The following RFWD3 variants were observed in gnomAD, a reference collection of about 807,000 sequenced individuals.
The protein encoded by RFWD3 is E3 ubiquitin-protein ligase RFWD3.
A neutral mutation model predicts 87.7 loss-of-function variants in RFWD3; 65 were observed. The observed-to-expected ratio is 0.74, with a 90% CI of 0.61 to 0.91. The LOEUF (loss-of-function observed/expected upper bound fraction) is 0.91, where lower values mean the gene tolerates loss of function less well. RFWD3 is among the 40% of genes least tolerant of loss of function. The pLI, the probability that RFWD3 is intolerant of heterozygous loss-of-function variation, is 0.00. For missense variants in RFWD3, 1,078 were observed against 938.5 expected, an observed-to-expected ratio of 1.15 and a Z score of -1.94; for synonymous variants, 433 against 352.8, an observed-to-expected ratio of 1.23 and a Z score of -2.55.
chr16:74,661,597 T>C (rs1351593180), intron 1 of RFWD3, 146 bp from the exon 2 acceptor site: 16 of 781,266 alleles, frequency 2.0e-5, no homozygotes, highest in Non-Finnish European at 3.2e-5. Context: ...TTTTAACTAC[T>C]TAAGTCAGAA....
At position 74,649,338 on chromosome 16, in the gene RFWD3, T is replaced by C. The variant is rs906852759; in HGVS notation, c.722-136A>G. On this transcript the variant is annotated intron_variant, in intron 3 of 12. Coordinates refer to ENST00000361070, the MANE Select transcript of RFWD3 (RefSeq NM_018124.4). Reference sequence around the variant, plus strand: ...ACTGACAGTGTTCCTGCAAAAAGGATGACAACTTCCCCAGGTACCATCAGT... The same window carrying C: ...ACTGACAGTGTTCCTGCAAAAAGGACGACAACTTCCCCAGGTACCATCAGT... 7.0e-6 allele frequency: 4 copies of C among 574,562 alleles called. No individual in the cohort carries two copies. In the East Asian group the frequency reaches 1.1e-4, roughly 16 times the overall value. 35.6% of individuals were successfully genotyped at this position (574,562 alleles called of 1,614,324 possible).
chr16:74,621,605 G>A lies in RFWD3; in HGVS notation c.*2323C>T, dbSNP rs1366249757. 2 of 152,130 alleles carry A rather than the reference G, an allele frequency of 1.3e-5. No homozygotes were observed. Among genetic ancestry groups the A allele is most frequent in the Non-Finnish European group, 2.9e-5 (2 of 68,014 alleles). The allele number at this position is 152,130 out of a possible 1,614,324, so 9.4% of individuals were successfully genotyped here. On this transcript the variant is annotated 3_prime_UTR_variant, in exon 13 of 13. Coordinates refer to ENST00000361070, the MANE Select transcript of RFWD3 (RefSeq NM_018124.4). ...AGTGACAAAGGAATATGGTGGGGCA[G>A]AGACTGGTGGAGCCCAGAAGACTAA...
intron 2 of RFWD3, chr16:74,660,562 C>G (rs1379251081): frequency 5.0e-6 from 1 of 199,572 alleles, no homozygotes; most frequent in Non-Finnish European, 1.0e-5. Flanking sequence ...CAAGTTCAAA[C>G]CAAGACTATG....
At chr16:74,631,541 T>C (rs1054767216) in intron 9 of RFWD3, among the ~76,000 whole-genome samples, 1 of 152,170 alleles carries the variant, frequency 6.6e-6, no homozygotes. Context: ...ACCTTATTTT[T>C]AAAACAATAC....
chr16:74,636,808 G>A (rs1257646296), intron 7 of RFWD3, among the ~76,000 whole-genome samples: 1 of 151,462 alleles, frequency 6.6e-6, no homozygotes, highest in Non-Finnish European at 1.5e-5. Context: ...CCATCTCCTG[G>A]GTTCAAGCAC....
intron 10 of RFWD3, among the ~76,000 whole-genome samples, chr16:74,630,111 CTT>C (rs1027778231): frequency 6.7e-6 from 1 of 148,678 alleles, no homozygotes; most frequent in Non-Finnish European, 1.5e-5. Flanking sequence ...TTTTTTTTTT[CTT>C]GAGATGGCGT....
rs558356837 is a variant in RFWD3 at position 74,647,295 on chromosome 16, A to AT, written c.792+1836dup. The stretch of plus-strand genomic sequence containing the variant: ...ACAATGATGTATAGGTGTTATTTTT[A>AT]TTTTTTTTTTGACATGGAGTCTTGG... On this transcript the variant is annotated intron_variant, in intron 4 of 12. Transcript: ENST00000361070. 5.1e-3 allele frequency among the ~76,000 whole-genome samples: 770 copies of AT among 149,602 alleles called. 4 individuals carry two copies. Among genetic ancestry groups the AT allele is most frequent in the Non-Finnish European group, 8.4e-3 (563 of 67,178 alleles).
rs1960590948 is a variant in RFWD3 at position 74,651,864 on chromosome 16, A to T, written c.721+56T>A. The T allele has an allele frequency of 2.6e-6, 4 of 1,511,860 alleles. No homozygotes were observed. The East Asian group carries it at 9.0e-5, about 34-fold the overall frequency. The allele number at this position is 1,511,860 out of a possible 1,614,324, so 93.7% of individuals were successfully genotyped here. ...ACAAATCTAGTTTCTAGCCTTCCGA[A>T]ATTTAAGCTTCATGGATGTTAGCCT... On this transcript the variant is annotated intron_variant, in intron 3 of 12. Coordinates refer to ENST00000361070, the MANE Select transcript of RFWD3 (RefSeq NM_018124.4).
intron 1 of RFWD3, chr16:74,666,220 A>AGATTGATTGATT (rs1555529797): frequency 4.2e-5 from 6 of 142,954 alleles, no homozygotes; most frequent in African/African-American, 1.3e-4. Context: ...ATAGATAGAT[A>AGATTGATTGATT]GATTGATTAG....
intron 3 of RFWD3, among the ~76,000 whole-genome samples, chr16:74,651,173 G>C (rs1283084206): frequency 6.6e-6 from 1 of 152,184 alleles, no homozygotes; most frequent in African/African-American, 2.4e-5. Flanking sequence ...CTGGGGATCA[G>C]AAAGTTTTTA....
rs572456694 is a variant in RFWD3, at chr16:74,665,636, G to T, written c.-3+1150C>A. ...GAGCCGGGCGTGGTGGCGCGCACCT[G>T]TGGTCCCAGCTATTGCGGGAAGCCG... On this transcript the variant is annotated intron_variant, in intron 1 of 12. Coordinates refer to ENST00000361070, the MANE Select transcript of RFWD3 (RefSeq NM_018124.4). Among the ~76,000 whole-genome samples the T allele has an allele frequency of 2.2e-4, 33 of 152,276 alleles. No individual in the cohort carries two copies. In the East Asian group the frequency reaches 4.3e-3, roughly 20 times the overall value.
rs182813795 is a variant in RFWD3, at chr16:74,645,184, G to A, written c.793-449C>T. Among the ~76,000 whole-genome samples, 398 of 152,306 alleles carry A rather than the reference G, an allele frequency of 2.6e-3. 5 individuals carry two copies. The highest frequency in any genetic ancestry group is 9.1e-3 in the African/African-American group (380 of 41,566). ...AGACTGGTATAAATTGATGTCTGATGACACCAAGCACTGTTGTGGGTAAAT... is the reference window on the plus strand; with the variant it reads ...AGACTGGTATAAATTGATGTCTGATAACACCAAGCACTGTTGTGGGTAAAT... On this transcript the variant is annotated intron_variant, in intron 4 of 12. Coordinates refer to ENST00000361070, the MANE Select transcript of RFWD3 (RefSeq NM_018124.4).
chr16:74,661,185 C>G lies in RFWD3; in HGVS notation c.265G>C (p.Asp89His). Residue 89 changes from aspartate (D) to histidine (H), a missense_variant, in exon 2 of 13, where the codon GAC becomes CAC. Coordinates refer to ENST00000361070, the MANE Select transcript of RFWD3 (RefSeq NM_018124.4). ...DLTEVEVLGE[D>H]TVENINPRTS... ...CTTGGATTGATGTTCTCCACAGTGTCTTCTCCCAAGACCTCCACTTCTGTC... is the reference window on the plus strand; with the variant it reads ...CTTGGATTGATGTTCTCCACAGTGTGTTCTCCCAAGACCTCCACTTCTGTC... 6.2e-7 allele frequency: 1 copy of G among 1,614,220 alleles called. No homozygotes were observed.
In RFWD3 at chr16:74,633,929, G is replaced by A. The variant is rs117556757; in HGVS notation, c.1427-1256C>T. On this transcript the variant is annotated intron_variant, in intron 8 of 12. Transcript: ENST00000361070. Reference sequence around the variant, plus strand: ...CACACCCCTCCCTGCATTCCAGCCCGGGAGATCACACCCCTCCCTGCATCC... The same window carrying A: ...CACACCCCTCCCTGCATTCCAGCCCAGGAGATCACACCCCTCCCTGCATCC... Among the ~76,000 whole-genome samples the A allele has an allele frequency of 8.7e-3, 1,313 of 151,238 alleles. 16 individuals carry two copies. Among genetic ancestry groups the A allele is most frequent in the East Asian group, 0.053 (275 of 5,168 alleles).
At position 74,649,112 on chromosome 16, in the gene RFWD3, T is replaced by A. The variant is rs190144334; in HGVS notation, c.792+20A>T. The A allele has an allele frequency of 2.3e-3, 3,427 of 1,515,504 alleles. 6 individuals carry two copies. Among genetic ancestry groups the A allele is most frequent in the Middle Eastern group, 6.3e-3 (36 of 5,754 alleles). 93.9% of individuals were successfully genotyped at this position (1,515,504 alleles called of 1,614,324 possible). A position where few individuals can be genotyped will look rare whatever the true frequency, so the allele number is the denominator to read the frequency against. On this transcript the variant is annotated intron_variant, in intron 4 of 12. Coordinates refer to ENST00000361070, the MANE Select transcript of RFWD3 (RefSeq NM_018124.4). Reference sequence around the variant, plus strand: ...AAATAAATAAATAAATAGATTTTTTTAAAATGATGTTCATATTACCTGTTT... The same window carrying A: ...AAATAAATAAATAAATAGATTTTTTAAAAATGATGTTCATATTACCTGTTT...
intron 9 of RFWD3, among the ~76,000 whole-genome samples, chr16:74,631,498 C>A (rs925203514): frequency 2.0e-5 from 3 of 146,626 alleles, no homozygotes; most frequent in Non-Finnish European, 4.5e-5. Context: ...TAAATAATAA[C>A]CCAACCAACA....
At chr16:74,656,984 T>C (rs896321716) in intron 2 of RFWD3, among the ~76,000 whole-genome samples, 2 of 152,196 alleles carry the variant, frequency 1.3e-5, no homozygotes, top group African/African-American at 4.8e-5. Context: ...TTTCCTTTCC[T>C]TCTTATTGGT....
intron 2 of RFWD3, 111 bp downstream of exon 2, chr16:74,660,821 G>C: frequency 1.6e-6 from 2 of 1,243,064 alleles, no homozygotes; most frequent in South Asian, 1.5e-5. Context: ...CTGGGGGTCA[G>C]AAGTTACCTG....
rs755312430 is a variant in RFWD3 at position 74,652,105 on chromosome 16, T to C, written c.536A>G (p.Asp179Gly). The change falls in exon 3 of 13, where the codon GAT (aspartate) becomes GGT (glycine). Residue 179 changes from aspartate to glycine, a missense_variant. By Grantham distance (94) the Asp-to-Gly change is moderately conservative. Transcript: ENST00000361070. ...TDSARLRAPL[D>G]AYFQVSRTQP... ...GGTCCTGCTCACCTGAAAGTAAGCATCCAATGGTGCTCTCAACCTATGTAC... is the reference window on the plus strand; with the variant it reads ...GGTCCTGCTCACCTGAAAGTAAGCACCCAATGGTGCTCTCAACCTATGTAC... 1.9e-6 allele frequency: 3 copies of C among 1,613,978 alleles called. No individual in the cohort carries two copies. Among genetic ancestry groups the C allele is most frequent in the Middle Eastern group, 1.7e-4 (1 of 6,060 alleles).
Sources: allele counts gnomAD v4.1 joint callset (sites outside exome capture counted in the v4.1 genomes callset), GRCh38; gene constraint gnomAD v4.1.1; transcripts MANE v1.5; gene names NCBI Gene and HGNC (gene_info 2026-07-23, HGNC 2026-07-21).